Variants in GCSAML observed in about 807,000 individuals in gnomAD.
The protein encoded by GCSAML is germinal center-associated signaling and motility-like protein.
Under a neutral mutation model 13.0 loss-of-function variants are expected in GCSAML, and 9 were observed. That is an observed-to-expected ratio of 0.69 (90% CI 0.42 to 1.21). The LOEUF (loss-of-function observed/expected upper bound fraction) is 1.21. Among genes scored for constraint, GCSAML ranks in the 50% most tolerant of loss-of-function variants. The pLI is 0.00. For missense variants in GCSAML, 143 were observed against 153.4 expected (o/e 0.93, Z 0.36); for synonymous variants, 37 against 52.9 (o/e 0.70, Z 1.31).
At chr1:247,509,801 C>G (rs558040691) in intron 1 of GCSAML, among the ~76,000 whole-genome samples, 1 of 152,232 alleles carries the variant, frequency 6.6e-6, no homozygotes, top group East Asian at 1.9e-4. Context: ...TGATTGATTA[C>G]GTTTATTGAT....
rs1558231504 is a variant in GCSAML at position 247,512,074 on chromosome 1, TCTC to T, written c.-263+4844_-263+4846del. 2.0e-5 allele frequency among the ~76,000 whole-genome samples: 3 copies of T among 152,276 alleles called. No homozygotes were observed. In the East Asian group the frequency reaches 5.8e-4, roughly 29 times the overall value. ...GCCTGCCTTGCTAGGTTGGGGAAATTCTCCTGGATAATATTCTGAAGAGTGTTT... is the reference window on the plus strand; with the variant it reads ...GCCTGCCTTGCTAGGTTGGGGAAATTCTGGATAATATTCTGAAGAGTGTTT... On this transcript the variant is annotated intron_variant, in intron 1 of 5. Transcript: ENST00000366489.
chr1:247,523,605 A>G (rs1666536227), intron 1 of GCSAML, among the ~76,000 whole-genome samples: 1 of 152,224 alleles, frequency 6.6e-6, no homozygotes, highest in African/African-American at 2.4e-5. Context: ...TTTTCCAGAC[A>G]TTAATTTAAA....
chr1:247,571,003 C>A (rs890544949), intron 4 of GCSAML, among the ~76,000 whole-genome samples: 1 of 152,074 alleles, frequency 6.6e-6, no homozygotes, highest in Non-Finnish European at 1.5e-5. Flanking sequence ...GGTTTAAAGT[C>A]TGTTTTATCA....
At chr1:247,538,377 C>A (rs140385785) in intron 2 of GCSAML, among the ~76,000 whole-genome samples, 296 of 152,230 alleles carry the variant, frequency 1.9e-3, no homozygotes, top group Admixed American at 3.1e-3. Flanking sequence ...GAATTATATT[C>A]CTGGCCAGCA....
intron 2 of GCSAML, among the ~76,000 whole-genome samples, chr1:247,535,530 G>A (rs1392813758): frequency 6.6e-6 from 1 of 152,202 alleles, no homozygotes; most frequent in East Asian, 1.9e-4. Flanking sequence ...ATTATGACCC[G>A]TGGGTGTAAG....
At chr1:247,548,481 ATTCTCATCCT>A (rs943903060), upstream of GCSAML, among the ~76,000 whole-genome samples, 1 of 151,702 alleles carries the variant, frequency 6.6e-6, no homozygotes, top group African/African-American at 2.4e-5. This position sits in a 1 kb window ranked among gnomAD's most constrained non-coding sequence, Gnocchi z 5.3. Context: ...ATAACCTTCT[ATTCTCATCCT>A]TTTTTTTCCT....
chr1:247,528,677 G>A (rs1666783744), intron 2 of GCSAML: 1 of 152,218 alleles, frequency 6.6e-6, no homozygotes, highest in Non-Finnish European at 1.5e-5. Flanking sequence ...TTAGCTGGTT[G>A]TTAATTTTTT....
At chr1:247,565,271 T>C (rs1668298520) in intron 3 of GCSAML, among the ~76,000 whole-genome samples, 1 of 151,678 alleles carries the variant, frequency 6.6e-6, no homozygotes, top group Admixed American at 6.6e-5. Flanking sequence ...GGCAGGAGAA[T>C]CGCTTGAACC....
intron 3 of GCSAML, among the ~76,000 whole-genome samples, chr1:247,565,475 C>T (rs899593584): frequency 4.6e-5 from 7 of 152,004 alleles, no homozygotes; most frequent in Non-Finnish European, 8.8e-5. Flanking sequence ...AATAGTTACT[C>T]GTGTTATTTC....
intron 2 of GCSAML, among the ~76,000 whole-genome samples, chr1:247,544,031 A>G (rs964493097): frequency 1.3e-5 from 2 of 152,212 alleles, no homozygotes; most frequent in African/African-American, 2.4e-5. Context: ...AACAATGGGC[A>G]CCAGAGCATT....
intron 1 of GCSAML, among the ~76,000 whole-genome samples, chr1:247,512,102 T>C (rs1431331651): frequency 6.6e-6 from 1 of 152,174 alleles, no homozygotes; most frequent in Non-Finnish European, 1.5e-5. Flanking sequence ...GAAGAGTGTT[T>C]TTCAACTTGG....
At chr1:247,535,967 C>T (rs1426849556) in intron 2 of GCSAML, among the ~76,000 whole-genome samples, 1 of 152,158 alleles carries the variant, frequency 6.6e-6, no homozygotes, top group East Asian at 1.9e-4. Context: ...TCTGAGTTAA[C>T]TAGGCAGTCA....
chr1:247,565,904 C>CTTTTTTTTTTT, intron 3 of GCSAML, 27 bp from the exon 4 acceptor site: 1 of 1,368,546 alleles, frequency 7.3e-7, no homozygotes. Context: ...TCCTTTCTTT[C>CTTTTTTTTTTT]TTTTTTTTTT....
At chr1:247,539,584 A>G (rs10925076) in intron 2 of GCSAML, among the ~76,000 whole-genome samples, 122,251 of 152,084 alleles carry the variant, frequency 0.8, 49,899 homozygotes, top group African/African-American at 0.93. Context: ...TAAACTAGAA[A>G]CAAGTGACCG....
chr1:247,569,281 G>A (rs189519032), intron 4 of GCSAML, among the ~76,000 whole-genome samples: 1 of 152,254 alleles, frequency 6.6e-6, no homozygotes, highest in African/African-American at 2.4e-5. Flanking sequence ...CTTTTCTTGT[G>A]CTGGTTTTCA....
In GCSAML at chr1:247,576,534, G is replaced by C. The variant is rs1668842660; in HGVS notation, c.*2152G>C. On this transcript the variant is annotated 3_prime_UTR_variant, in exon 5 of 5. Coordinates refer to ENST00000366488, the MANE Select transcript of GCSAML (RefSeq NM_145278.5). ...CATTCCAGCTTGGGCAACAGAGTGA[G>C]ACCCTGTCTCAAAAAAAAAAAAAGT... is the stretch of plus-strand genomic sequence containing the variant. 1.3e-5 allele frequency: 2 copies of C among 151,944 alleles called. 1 individual carries two copies. Among genetic ancestry groups the C allele is most frequent in the Admixed American group, 1.3e-4 (2 of 15,228 alleles). 9.4% of individuals were successfully genotyped at this position (151,944 alleles called of 1,614,324 possible).
In GCSAML at chr1:247,521,391, T is replaced by C. The variant is rs1666418126; in HGVS notation, c.-262-5549T>C. On this transcript the variant is annotated intron_variant, in intron 1 of 5. Coordinates refer to the GCSAML transcript ENST00000366489. Reference sequence around the variant, plus strand: ...GGTCTCCCTCTCCCTCTCCACGGTCTCCCTCTCCCTCTCTTTCCATGGTCT... The same window carrying C: ...GGTCTCCCTCTCCCTCTCCACGGTCCCCCTCTCCCTCTCTTTCCATGGTCT... 1.7e-5 allele frequency among the ~76,000 whole-genome samples: 2 copies of C among 120,546 alleles called. 1 individual carries two copies. The highest frequency in any genetic ancestry group is 6.1e-4 in the South Asian group (2 of 3,304). The allele number at this position is 120,546 out of a possible 152,430, so 79.1% of individuals were successfully genotyped here.
chr1:247,573,409 A>G (rs772659993), intron 4 of GCSAML, among the ~76,000 whole-genome samples: 1 of 152,112 alleles, frequency 6.6e-6, no homozygotes, highest in Non-Finnish European at 1.5e-5. Flanking sequence ...CCCTCAAGGT[A>G]TGGTCCTTCA....
intron 1 of GCSAML, among the ~76,000 whole-genome samples, chr1:247,522,859 C>T (rs1666504660): frequency 6.6e-6 from 1 of 151,472 alleles, no homozygotes; most frequent in Admixed American, 6.6e-5. Context: ...CACTATTGTC[C>T]TATGACCCTG....
Sources: gnomAD v4.1 joint callset for allele counts (sites outside exome capture counted in the v4.1 genomes callset) on GRCh38, gnomAD v4.1.1 for gene constraint, Gnocchi (gnomAD v3.1) non-coding constraint, MANE v1.5 for transcripts, NCBI Gene and HGNC (gene_info 2026-07-23, HGNC 2026-07-21) for gene names.